The following KLRK1 variants were observed in gnomAD, a reference collection of about 807,000 sequenced individuals.
The protein encoded by KLRK1 is NKG2-D type II integral membrane protein.
KLRK1 carries 40 observed loss-of-function variants against 31.3 expected under a neutral mutation model. The observed-to-expected ratio is 1.28, with a 90% CI of 0.99 to 1.67. KLRK1 has a LOEUF of 1.67. Ranked by LOEUF, KLRK1 falls within the 40% of genes most tolerant of loss-of-function variation. The probability of loss-of-function intolerance (pLI) is 0.00; values close to 1 mark genes in which losing one functional copy is unlikely to be tolerated. For missense variants in KLRK1, 251 were observed against 260.0 expected (o/e 0.97, Z 0.24); for synonymous variants, 77 against 77.3 (o/e 1.00, Z 0.02).
At chr12:10,380,451 C>T (rs1863054526) in intron 3 of KLRK1, among the ~76,000 whole-genome samples, 1 of 152,184 alleles carries the variant, frequency 6.6e-6, no homozygotes, top group African/African-American at 2.4e-5. Flanking sequence ...GCACCCAGCA[C>T]TCACTTCCAC....
intron 7 of KLRK1, among the ~76,000 whole-genome samples, chr12:10,377,324 GGAAA>G (rs1264130396): frequency 1.3e-5 from 2 of 151,962 alleles, no homozygotes; most frequent in Non-Finnish European, 2.9e-5. Context: ...TTATGTTAAG[GGAAA>G]GAAAGATTTC....
chr12:10,387,942 A>C (rs1863198591), intron 2 of KLRK1, among the ~76,000 whole-genome samples: 1 of 152,196 alleles, frequency 6.6e-6, no homozygotes, highest in African/African-American at 2.4e-5. Flanking sequence ...TGAACAAAAT[A>C]CCTAAAGAAT....
intron 3 of KLRK1, among the ~76,000 whole-genome samples, chr12:10,380,584 G>C (rs1449357631): frequency 6.6e-6 from 1 of 152,136 alleles, no homozygotes. Flanking sequence ...CGATAGCATA[G>C]AAAGGGAAGA....
rs1591588263 is a variant in KLRK1, at chr12:10,389,064, C to T, written c.-65-189G>A. 6.6e-5 allele frequency: 30 copies of T among 452,650 alleles called. No individual in the cohort carries two copies. In the South Asian group the frequency reaches 1.1e-3, roughly 16 times the overall value. 28.0% of individuals were successfully genotyped at this position (452,650 alleles called of 1,614,324 possible). A position where few individuals can be genotyped will look rare whatever the true frequency, so the allele number is the denominator to read the frequency against. ...ACATTTCTCTTGGTTGTAAAATAAT[C>T]GCCAATTACTTCAAAATGTCATAAC... On this transcript the variant is annotated intron_variant, in intron 1 of 7. Coordinates refer to ENST00000240618, the MANE Select transcript of KLRK1 (RefSeq NM_007360.4).
At chr12:10,387,159 GTAC>G in intron 2 of KLRK1, 149 bp from the exon 3 acceptor site, 1 of 566,308 alleles carries the variant, frequency 1.8e-6, no homozygotes, top group Non-Finnish European at 3.1e-6. Flanking sequence ...TTGTTTTATA[GTAC>G]TACATTATTA....
At chr12:10,385,181 G>A (rs1904123) in intron 3 of KLRK1, among the ~76,000 whole-genome samples, 1 of 151,676 alleles carries the variant, frequency 6.6e-6, no homozygotes, top group Admixed American at 6.6e-5. Flanking sequence ...ACAGTATGGA[G>A]GTCCCTTAAA....
intron 7 of KLRK1, among the ~76,000 whole-genome samples, chr12:10,373,782 A>C (rs557829302): frequency 6.6e-6 from 1 of 152,088 alleles, no homozygotes; most frequent in Non-Finnish European, 1.5e-5. Flanking sequence ...TGGCATCTTT[A>C]ATCTTTTGGA....
intron 7 of KLRK1, among the ~76,000 whole-genome samples, chr12:10,374,477 C>T (rs912747649): frequency 6.6e-6 from 1 of 150,704 alleles, no homozygotes; most frequent in East Asian, 1.9e-4. Flanking sequence ...ACTGCAACCT[C>T]CACCTCCTGG....
intron 3 of KLRK1, among the ~76,000 whole-genome samples, chr12:10,380,906 G>C (rs1331844208): frequency 1.3e-5 from 2 of 152,124 alleles, no homozygotes; most frequent in African/African-American, 4.8e-5. Context: ...GGGCCTAATA[G>C]TTCCTTTATC....
rs548064721 is a variant in KLRK1 at position 10,385,428 on chromosome 12, T to C, written c.148+1475A>G. On this transcript the variant is annotated intron_variant, in intron 3 of 7. Transcript: ENST00000240618. ...TACCATTCAGTCATAAAAAAAAGAATGAAAAGAATGAAATCCTATTATTTG... is the reference window on the plus strand; with the variant it reads ...TACCATTCAGTCATAAAAAAAAGAACGAAAAGAATGAAATCCTATTATTTG... Among the ~76,000 whole-genome samples, 32 of 142,218 alleles carry C rather than the reference T, an allele frequency of 2.3e-4. No individual in the cohort carries two copies. The South Asian group carries it at 6.3e-3, about 28-fold the overall frequency. 93.3% of individuals were successfully genotyped at this position (142,218 alleles called of 152,430 possible).
intron 3 of KLRK1, among the ~76,000 whole-genome samples, chr12:10,380,582 T>C (rs1863056744): frequency 6.6e-6 from 1 of 152,004 alleles, no homozygotes; most frequent in South Asian, 2.1e-4. Context: ...GGCGATAGCA[T>C]AGAAAGGGAA....
chr12:10,385,979 C>T (rs1863160279), intron 3 of KLRK1, among the ~76,000 whole-genome samples: 1 of 107,196 alleles, frequency 9.3e-6, no homozygotes, highest in African/African-American at 3.1e-5. Context: ...ACAAAATATC[C>T]TATGAATTTT....
At chr12:10,374,941 AGTT>A (rs979278174) in intron 7 of KLRK1, among the ~76,000 whole-genome samples, 3 of 152,168 alleles carry the variant, frequency 2.0e-5, no homozygotes, top group African/African-American at 4.8e-5. Context: ...TTAGTATGCT[AGTT>A]GTTTTGCTTC....
At chr12:10,380,895 G>A (rs1338550698) in intron 3 of KLRK1, among the ~76,000 whole-genome samples, 1 of 152,094 alleles carries the variant, frequency 6.6e-6, no homozygotes, top group Non-Finnish European at 1.5e-5. Context: ...GCTCTGCCCT[G>A]GGGCCTAATA....
chr12:10,382,665 TAAAAG>T (rs1362525898), intron 3 of KLRK1, among the ~76,000 whole-genome samples: 4 of 150,698 alleles, frequency 2.7e-5, no homozygotes, highest in East Asian at 3.9e-4. Flanking sequence ...AACTCACTGA[TAAAAG>T]TAAGTACACA....
Position 10,384,299 on chromosome 12 carries a change from C to G in KLRK1, c.148+2604G>C, listed in dbSNP as rs2617157. On this transcript the variant is annotated intron_variant, in intron 3 of 7. Transcript: ENST00000240618. ...CAAAAGACTGAATAGCCAAAGCAATCTTGAACAAAAATGAAGAAAACTGGT... is the reference window on the plus strand; with the variant it reads ...CAAAAGACTGAATAGCCAAAGCAATGTTGAACAAAAATGAAGAAAACTGGT... 2.0e-5 allele frequency among the ~76,000 whole-genome samples: 3 copies of G among 151,478 alleles called. No homozygotes were observed. The East Asian group carries it at 5.8e-4, about 29-fold the overall frequency.
intron 1 of KLRK1, 132 bp from the exon 2 acceptor site, chr12:10,389,007 A>G (rs1031824894): frequency 1.1e-5 from 6 of 540,210 alleles, no homozygotes; most frequent in Non-Finnish European, 1.9e-5. Flanking sequence ...AGAAATGACA[A>G]TTCACATAAA....
chr12:10,384,286 T>G (rs545015656), intron 3 of KLRK1, among the ~76,000 whole-genome samples: 2 of 151,944 alleles, frequency 1.3e-5, no homozygotes, highest in Admixed American at 6.6e-5. Context: ...AAAGACTGAA[T>G]AGCCAAAGCA....
Position 10,388,863 on chromosome 12 carries a change from G to A in KLRK1, c.-53C>T. 6.3e-7 allele frequency: 1 copy of A among 1,599,630 alleles called. No individual in the cohort carries two copies. Among genetic ancestry groups the A allele is most frequent in the Non-Finnish European group, 8.6e-7 (1 of 1,168,436 alleles). On this transcript the variant is annotated 5_prime_UTR_variant, in exon 2 of 8. Coordinates refer to ENST00000240618, the MANE Select transcript of KLRK1 (RefSeq NM_007360.4). ...CAGAGAGGAATCTAAAGTCTTCAATGCACAAAGGATTCCTGAATAAAATAA... is the reference window on the plus strand; with the variant it reads ...CAGAGAGGAATCTAAAGTCTTCAATACACAAAGGATTCCTGAATAAAATAA...
Sources: gnomAD v4.1 joint callset for allele counts (sites outside exome capture counted in the v4.1 genomes callset) on GRCh38, gnomAD v4.1.1 for gene constraint, MANE v1.5 for transcripts, NCBI Gene and HGNC (gene_info 2026-07-23, HGNC 2026-07-21) for gene names.